The following ZNF662 variants were observed in gnomAD, a reference collection of about 807,000 sequenced individuals.
ZNF662 encodes the protein zinc finger protein 662.
In ZNF662, 14 loss-of-function variants were observed where a neutral mutation model predicts 12.4. That is an observed-to-expected ratio of 1.13 (90% CI 0.75 to 1.77). The LOEUF (loss-of-function observed/expected upper bound fraction) is 1.77, where lower values mean the gene tolerates loss of function less well. ZNF662 is among the 40% of genes most tolerant of loss of function. The pLI, the probability that ZNF662 is intolerant of heterozygous loss-of-function variation, is 0.00. For synonymous variants in ZNF662, 184 were observed against 176.4 expected (o/e 1.04, Z -0.34); for missense variants, 550 against 515.6 (o/e 1.07, Z -0.65).
chr3:42,906,214 T>G lies in ZNF662; in HGVS notation c.-94+46T>G. 7.2e-6 allele frequency: 5 copies of G among 695,362 alleles called. No homozygotes were observed. The highest frequency in any genetic ancestry group is 4.5e-6 in the Non-Finnish European group (2 of 446,208). The allele number at this position is 695,362 out of a possible 1,614,324, so 43.1% of individuals were successfully genotyped here. A position where few individuals can be genotyped will look rare whatever the true frequency, so the allele number is the denominator to read the frequency against. ...GGCGTGGGGCGGGCAGGGAGTGGAG[T>G]CGGGGTCTTACTCCGGTGGCTGCAG... On this transcript the variant is annotated intron_variant, in intron 1 of 4. Coordinates refer to ENST00000440367, the MANE Select transcript of ZNF662 (RefSeq NM_207404.4). The surrounding 1 kb of genome is among the most constrained non-coding windows in gnomAD (Gnocchi z 4.4).
intron 3 of ZNF662, among the ~76,000 whole-genome samples, chr3:42,912,317 TC>T (rs2088807037): frequency 8.8e-6 from 1 of 114,124 alleles, no homozygotes; most frequent in African/African-American, 3.5e-5. Flanking sequence ...ATATATATAG[TC>T]CATCTCTCTA....
At chr3:42,909,830 G>A (rs1421982106) in intron 3 of ZNF662, among the ~76,000 whole-genome samples, 3 of 151,708 alleles carry the variant, frequency 2.0e-5, no homozygotes, top group East Asian at 3.9e-4. Context: ...GTTCCCAGAC[G>A]GGGTCGCGGC....
chr3:42,908,640 T>C, intron 2 of ZNF662, 153 bp from the exon 3 acceptor site: 6 of 1,474,336 alleles, frequency 4.1e-6, no homozygotes, highest in Non-Finnish European at 5.4e-6. Context: ...CTGGCCCCTC[T>C]CTTGTCCTTT....
rs765875626 is a variant in ZNF662 at position 42,908,072 on chromosome 3, G to A, written c.-43G>A. 7 of 1,614,056 alleles carry A rather than the reference G, an allele frequency of 4.3e-6. No homozygotes were observed. Among genetic ancestry groups the A allele is most frequent in the Non-Finnish European group, 5.9e-6 (7 of 1,180,030 alleles). On this transcript the variant is annotated 5_prime_UTR_variant, in exon 2 of 5. Transcript: ENST00000440367. ...CCGTCTACTTCTCTGAGAACGAATG[G>A]ATCGGCCTGGGCCCTGCTCAGAGAG...
At position 42,906,454 on chromosome 3, in the gene ZNF662, C is replaced by A. The variant is rs1158670560; in HGVS notation, c.-94+286C>A. On this transcript the variant is annotated intron_variant, in intron 1 of 4. Transcript: ENST00000440367. This position sits in a 1 kb window ranked among gnomAD's most constrained non-coding sequence, Gnocchi z 4.4. ...CCGGGCGCGCCGGGTGAGTGCGGGG[C>A]CGGAGCCTGGAAGCAGTCTTGGCCC... The A allele has an allele frequency of 7.0e-7, 1 of 1,430,262 alleles. No individual in the cohort carries two copies. The allele number at this position is 1,430,262 out of a possible 1,614,324, so 88.6% of individuals were successfully genotyped here. A position where few individuals can be genotyped will look rare whatever the true frequency, so the allele number is the denominator to read the frequency against.
Position 42,919,203 on chromosome 3 carries a change from A to C in ZNF662, c.*3849A>C, listed in dbSNP as rs552177937. 1.3e-5 allele frequency among the ~76,000 whole-genome samples: 2 copies of C among 152,330 alleles called. No homozygotes were observed. The highest frequency in any genetic ancestry group is 1.3e-4 in the Admixed American group (2 of 15,306). On this transcript the variant is annotated 3_prime_UTR_variant, in exon 5 of 5. Coordinates refer to ENST00000440367, the MANE Select transcript of ZNF662 (RefSeq NM_207404.4). ...TTTAAAATGTGGGCAAAAACTTAAAAACAACGAATGAGTCTAAAATCTAAT... is the reference window on the plus strand; with the variant it reads ...TTTAAAATGTGGGCAAAAACTTAAACACAACGAATGAGTCTAAAATCTAAT...
At position 42,917,672 on chromosome 3, in the gene ZNF662, T is replaced by G. The variant is rs2088908511; in HGVS notation, c.*2318T>G. 2 of 655,180 alleles carry G rather than the reference T, an allele frequency of 3.1e-6. No individual in the cohort carries two copies. Among genetic ancestry groups the G allele is most frequent in the African/African-American group, 1.8e-5 (1 of 55,046 alleles). The allele number at this position is 655,180 out of a possible 1,614,324, so 40.6% of individuals were successfully genotyped here. Reference sequence around the variant, plus strand: ...AGTTGAGTTTTCTGTTATTTGCAACTTAGCCACACTAATACTGTTTTGTGT... The same window carrying G: ...AGTTGAGTTTTCTGTTATTTGCAACGTAGCCACACTAATACTGTTTTGTGT... On this transcript the variant is annotated 3_prime_UTR_variant, in exon 5 of 5. Transcript: ENST00000440367.
At chr3:42,909,635 G>A (rs545477386) in intron 3 of ZNF662, among the ~76,000 whole-genome samples, 1 of 152,124 alleles carries the variant, frequency 6.6e-6, no homozygotes, top group African/African-American at 2.4e-5. Context: ...TCCCAGATGG[G>A]GCGGCCGGGC....
Position 42,915,470 on chromosome 3 carries a change from C to A in ZNF662, c.*116C>A. ...CCTTAACTTAAATAGCCAGTATTATCTTGCCCTTTTGAACATTTACCATGT... is the reference window on the plus strand; with the variant it reads ...CCTTAACTTAAATAGCCAGTATTATATTGCCCTTTTGAACATTTACCATGT... On this transcript the variant is annotated 3_prime_UTR_variant, in exon 5 of 5. Transcript: ENST00000440367. 1.0e-6 allele frequency: 1 copy of A among 976,850 alleles called. No individual in the cohort carries two copies. Among genetic ancestry groups the A allele is most frequent in the Non-Finnish European group, 1.5e-6 (1 of 668,750 alleles). The allele number at this position is 976,850 out of a possible 1,614,324, so 60.5% of individuals were successfully genotyped here. A position where few individuals can be genotyped will look rare whatever the true frequency, so the allele number is the denominator to read the frequency against.
rs1244195714 is a variant in ZNF662 at position 42,919,033 on chromosome 3, T to C, written c.*3679T>C. On this transcript the variant is annotated 3_prime_UTR_variant, in exon 5 of 5. Transcript: ENST00000440367. ...AAACCTCCAGGTTATGGGCACCTTA[T>C]TTAGTCTAATCATCTGGCAGGATTT... 6.6e-6 allele frequency among the ~76,000 whole-genome samples: 1 copy of C among 152,206 alleles called. No individual in the cohort carries two copies. The highest frequency in any genetic ancestry group is 1.9e-4 in the East Asian group (1 of 5,198).
In ZNF662 at chr3:42,915,336, T is replaced by C. The variant is rs764137245; in HGVS notation, c.1263T>C (p.Ser421=). Residue 421 remains serine, a synonymous_variant, in exon 5 of 5, where the codon TCT becomes TCC. Transcript: ENST00000440367. ...ARDKPYNCQI[S]HLLEH ...ACAAACCCTATAACTGTCAGATCTC[T>C]CACCTTCTTGAACATTAGAGAGTGC... is the stretch of plus-strand genomic sequence containing the variant. 2 of 1,577,764 alleles carry C rather than the reference T, an allele frequency of 1.3e-6. No individual in the cohort carries two copies. The highest frequency in any genetic ancestry group is 2.4e-5 in the South Asian group (2 of 83,872).
chr3:42,909,052 C>T (rs1294080534), intron 3 of ZNF662, 143 bp downstream of exon 3: 1 of 545,444 alleles, frequency 1.8e-6, no homozygotes, highest in Non-Finnish European at 3.0e-6. Context: ...AGTTTTATGT[C>T]TTCTTTTTTT....
Position 42,916,360 on chromosome 3 carries a change from CTTTTTTTTTTT to C in ZNF662, c.*1019_*1029del, listed in dbSNP as rs1204228659. 9.6e-6 allele frequency: 1 copy of C among 104,452 alleles called. No homozygotes were observed. The highest frequency in any genetic ancestry group is 1.9e-5 in the Non-Finnish European group (1 of 51,984). The allele number at this position is 104,452 out of a possible 1,614,324, so 6.5% of individuals were successfully genotyped here. ...GGAAACAGCAGAGGGTAATCCAGGTCTTTTTTTTTTTTTTTTTTTTTTTAGACAGAGTCTCA... is the reference window on the plus strand; with the variant it reads ...GGAAACAGCAGAGGGTAATCCAGGTCTTTTTTTTTTTTAGACAGAGTCTCA... On this transcript the variant is annotated 3_prime_UTR_variant, in exon 5 of 5. Coordinates refer to ENST00000440367, the MANE Select transcript of ZNF662 (RefSeq NM_207404.4).
rs1383067184 is a variant in ZNF662 at position 42,915,186 on chromosome 3, C to T, written c.1113C>T (p.Cys371=). The T allele has an allele frequency of 2.1e-5, 34 of 1,613,758 alleles. No individual in the cohort carries two copies. The highest frequency in any genetic ancestry group is 2.9e-5 in the Non-Finnish European group (34 of 1,179,972). The change falls in exon 5 of 5, where the codon TGC becomes TGT. Residue 371 remains cysteine, a synonymous_variant. Coordinates refer to ENST00000440367, the MANE Select transcript of ZNF662 (RefSeq NM_207404.4). ...CTGACTGTGGGAAAAGCTTCTTTTG[C>T]AAGGCACATCTTATTCGACATCAAA... ...ECTDCGKSFF[C]KAHLIRHQRI... is the part of the protein sequence containing the mutation.
chr3:42,917,531 A>C lies in ZNF662; in HGVS notation c.*2177A>C. 2.8e-6 allele frequency: 2 copies of C among 702,960 alleles called. No individual in the cohort carries two copies. The highest frequency in any genetic ancestry group is 5.2e-6 in the Non-Finnish European group (2 of 384,974). 43.5% of individuals were successfully genotyped at this position (702,960 alleles called of 1,614,324 possible). ...CAAAGAAAACAGTGACTAAACAGAG[A>C]GAAACTAGGTCCTTGGTGACATCTT... On this transcript the variant is annotated 3_prime_UTR_variant, in exon 5 of 5. Coordinates refer to ENST00000440367, the MANE Select transcript of ZNF662 (RefSeq NM_207404.4).
chr3:42,914,007 T>C (rs747064027), intron 4 of ZNF662, among the ~76,000 whole-genome samples: 2 of 151,940 alleles, frequency 1.3e-5, no homozygotes, highest in Non-Finnish European at 2.9e-5. Flanking sequence ...GTTCTTCTCA[T>C]GGTATAAACT....
intron 3 of ZNF662, among the ~76,000 whole-genome samples, chr3:42,912,664 A>ATTTT (rs1559381509): frequency 5.5e-4 from 28 of 50,654 alleles, no homozygotes; most frequent in Admixed American, 2.9e-3. Context: ...ATATATATAT[A>ATTTT]TATTTTTTAT....
intron 3 of ZNF662, among the ~76,000 whole-genome samples, chr3:42,912,400 T>C (rs1482460701): frequency 2.0e-5 from 2 of 98,990 alleles, no homozygotes; most frequent in Non-Finnish European, 3.6e-5. Flanking sequence ...TATATATTTA[T>C]ATATTATATA....
intron 4 of ZNF662, 110 bp downstream of exon 4, chr3:42,913,412 AC>A: frequency 1.2e-6 from 1 of 834,660 alleles, no homozygotes; most frequent in Middle Eastern, 2.4e-4. Context: ...AAATATGGGG[AC>A]CAGATCCTTA....
Sources: gnomAD v4.1 joint callset for allele counts (sites outside exome capture counted in the v4.1 genomes callset) on GRCh38, gnomAD v4.1.1 for gene constraint, Gnocchi (gnomAD v3.1) non-coding constraint, MANE v1.5 for transcripts, NCBI Gene and HGNC (gene_info 2026-07-23, HGNC 2026-07-21) for gene names.